Variants in TRHDE observed in about 807,000 individuals in gnomAD.
TRHDE encodes the protein thyrotropin-releasing hormone-degrading ectoenzyme.
In TRHDE, 72 loss-of-function variants were observed where a neutral mutation model predicts 125.7. That is an observed-to-expected ratio of 0.57 (90% CI 0.47 to 0.70). The LOEUF (loss-of-function observed/expected upper bound fraction) is 0.70. Among genes scored for constraint, TRHDE ranks in the 30% least tolerant of loss-of-function variants. The pLI, the probability that TRHDE is intolerant of heterozygous loss-of-function variation, is 0.00. For synonymous variants in TRHDE, 509 were observed against 509.1 expected, an observed-to-expected ratio of 1.00 and a Z score of 0.00; for missense variants, 1,110 against 1,327.1, an observed-to-expected ratio of 0.84 and a Z score of 2.54.
intron 12 of TRHDE, among the ~76,000 whole-genome samples, chr12:72,576,830 A>G (rs1871017057): frequency 6.6e-6 from 1 of 152,174 alleles, no homozygotes. Context: ...TCTAAGGACA[A>G]CTTATCAACA....
intron 1 of TRHDE, among the ~76,000 whole-genome samples, chr12:72,277,578 G>GT (rs1325398151): frequency 1.3e-5 from 2 of 152,038 alleles, no homozygotes; most frequent in Non-Finnish European, 2.9e-5. Context: ...TTAGCTCATT[G>GT]TTTTTGTGTC....
intron 2 of TRHDE, among the ~76,000 whole-genome samples, chr12:72,240,921 T>A (rs1439621713): frequency 3.3e-5 from 5 of 152,132 alleles, no homozygotes; most frequent in Non-Finnish European, 7.4e-5. Context: ...CATTATTTTT[T>A]CACACATCTC....
In TRHDE at chr12:72,273,527, G is replaced by A. The variant is rs746827208; in HGVS notation, c.884G>A (p.Arg295His). The change falls in exon 1 of 19, where the codon CGC becomes CAC. Residue 295 changes from arginine to histidine, a missense_variant. Coordinates refer to ENST00000261180, the MANE Select transcript of TRHDE (RefSeq NM_013381.3). This position sits in a 1 kb window ranked among gnomAD's most constrained non-coding sequence, Gnocchi z 5.3. ...GAGAATGAGCTCCTGGGCTTCTTCC[G>A]CAGCTCCTATGTGCTCCACGGGGAG... ...LIENELLGFF[R>H]SSYVLHGERR... The A allele has an allele frequency of 5.6e-6, 9 of 1,605,072 alleles. No individual in the cohort carries two copies. The highest frequency in any genetic ancestry group is 1.3e-5 in the African/African-American group (1 of 75,036).
chr12:72,174,254 TATA>T (rs1307554918), intron 2 of TRHDE, among the ~76,000 whole-genome samples: 1 of 152,204 alleles, frequency 6.6e-6, no homozygotes, highest in Non-Finnish European at 1.5e-5. Context: ...ATCTAGACTA[TATA>T]ATTTCAGCTG....
intron 2 of TRHDE, among the ~76,000 whole-genome samples, chr12:72,289,321 A>G (rs184258222): frequency 3.9e-5 from 6 of 152,230 alleles, no homozygotes; most frequent in Non-Finnish European, 5.9e-5. Context: ...CATCACTGTT[A>G]TTATTTGCTG....
chr12:72,427,975 T>C lies in TRHDE; in HGVS notation c.1316-41783T>C, dbSNP rs370268590. On this transcript the variant is annotated intron_variant, in intron 3 of 18. Transcript: ENST00000261180. ...CTCCAGAAGTGTAGTAGGTTTAAGA[T>C]GAAGTCAAGTGACCTGTTTTATAAA... is the stretch of plus-strand genomic sequence containing the variant. Among the ~76,000 whole-genome samples, 9 of 152,292 alleles carry C rather than the reference T, an allele frequency of 5.9e-5. No individual in the cohort carries two copies. The South Asian group carries it at 1.4e-3, about 25-fold the overall frequency.
chr12:72,400,367 G>A (rs911616868), intron 3 of TRHDE, among the ~76,000 whole-genome samples: 8 of 152,124 alleles, frequency 5.3e-5, no homozygotes, highest in Non-Finnish European at 7.4e-5. Context: ...CAATTCTTTT[G>A]CTCAAAGAAG....
chr12:72,594,504 T>TTTG lies in TRHDE; in HGVS notation c.2321+18964_2321+18965insGTT, dbSNP rs1361929164. 1.5e-3 allele frequency among the ~76,000 whole-genome samples: 214 copies of TTTG among 146,070 alleles called. 1 individual carries two copies. Among genetic ancestry groups the TTTG allele is most frequent in the African/African-American group, 5.1e-3 (206 of 40,016 alleles). On this transcript the variant is annotated intron_variant, in intron 12 of 18. Transcript: ENST00000261180. ...AAGCTCTGGGATTACAGATGTGAGTTTTTTTTTTTTTTTTAATATTACTAG... is the reference window on the plus strand; with the variant it reads ...AAGCTCTGGGATTACAGATGTGAGTTTTGTTTTTTTTTTTTTTAATATTACTAG...
chr12:72,182,366 A>G lies in TRHDE; in HGVS notation n.279+76614A>G, dbSNP rs140385297. Among the ~76,000 whole-genome samples, 105 of 152,322 alleles carry G rather than the reference A, an allele frequency of 6.9e-4. 1 individual carries two copies. In the East Asian group the frequency reaches 0.016, roughly 24 times the overall value. ...ACTGAATTGGACAGCTGGAGGCCCCAGACTGTTGTTAGGGAATGAATGAAT... is the reference window on the plus strand; with the variant it reads ...ACTGAATTGGACAGCTGGAGGCCCCGGACTGTTGTTAGGGAATGAATGAAT... On this transcript the variant is annotated intron_variant and non_coding_transcript_variant, in intron 2 of 4. Transcript: ENST00000548156.
chr12:72,346,963 G>A (rs945293520), intron 2 of TRHDE, among the ~76,000 whole-genome samples: 1 of 151,994 alleles, frequency 6.6e-6, no homozygotes, highest in African/African-American at 2.4e-5. Flanking sequence ...TTGGTGTAAG[G>A]CAGGATAACT....
intron 5 of TRHDE, among the ~76,000 whole-genome samples, chr12:72,481,508 G>C (rs1414972615): frequency 6.6e-6 from 1 of 150,670 alleles, no homozygotes; most frequent in Non-Finnish European, 1.5e-5. Flanking sequence ...AATTCACTGT[G>C]AAATAGAGTA....
chr12:72,570,145 C>T (rs1870649181), intron 10 of TRHDE, among the ~76,000 whole-genome samples: 1 of 152,138 alleles, frequency 6.6e-6, no homozygotes, highest in Non-Finnish European at 1.5e-5. Context: ...TGGGGATTAG[C>T]CCAAAACTTC....
At chr12:72,347,279 T>C (rs763706534) in intron 2 of TRHDE, among the ~76,000 whole-genome samples, 11 of 152,122 alleles carry the variant, frequency 7.2e-5, no homozygotes, top group Non-Finnish European at 1.3e-4. Context: ...GGTCCTGGAA[T>C]TGAATAATCA....
intron 1 of TRHDE, among the ~76,000 whole-genome samples, chr12:72,282,038 A>G (rs1380188034): frequency 6.6e-6 from 1 of 152,210 alleles, no homozygotes; most frequent in Non-Finnish European, 1.5e-5. Context: ...ACATTTTTCC[A>G]GTTATGCTAA....
intron 5 of TRHDE, among the ~76,000 whole-genome samples, chr12:72,475,969 T>G (rs567824379): frequency 6.6e-6 from 1 of 152,144 alleles, no homozygotes; most frequent in African/African-American, 2.4e-5. Flanking sequence ...CAGGCTGGAA[T>G]GCAGTGGCAC....
intron 1 of TRHDE, among the ~76,000 whole-genome samples, chr12:72,088,698 C>G (rs934031143): frequency 2.6e-5 from 4 of 152,008 alleles, no homozygotes; most frequent in African/African-American, 9.7e-5. Context: ...CTGTTCTTCT[C>G]ACATCTCTCA....
chr12:72,611,071 AG>A, intron 12 of TRHDE: 1 of 167,492 alleles, frequency 6.0e-6, no homozygotes. Flanking sequence ...GCATTTTAAA[AG>A]GAGCAGCTGG....
chr12:72,607,230 CCT>C lies in TRHDE; in HGVS notation c.2322-11658_2322-11657del, dbSNP rs573908368. 2.2e-3 allele frequency among the ~76,000 whole-genome samples: 336 copies of C among 152,196 alleles called. 1 individual carries two copies. Among genetic ancestry groups the C allele is most frequent in the African/African-American group, 7.1e-3 (296 of 41,544 alleles). On this transcript the variant is annotated intron_variant, in intron 12 of 18. Transcript: ENST00000261180. ...TGCACTTTTATGTGTTCCTCTGTCCCCTCTTTTCCCTGTAAATCGGTAACTGA... is the reference window on the plus strand; with the variant it reads ...TGCACTTTTATGTGTTCCTCTGTCCCCTTTTCCCTGTAAATCGGTAACTGA...
rs182998343 is a variant in TRHDE, at chr12:72,582,990, G to A, written c.2321+7448G>A. On this transcript the variant is annotated intron_variant, in intron 12 of 18. Coordinates refer to ENST00000261180, the MANE Select transcript of TRHDE (RefSeq NM_013381.3). ...GTTGTGTTTTACAATGAAATTATGA[G>A]CATTATTAATAATAATAGAACATTG... 1.1e-4 allele frequency among the ~76,000 whole-genome samples: 17 copies of A among 152,164 alleles called. No individual in the cohort carries two copies. In the East Asian group the frequency reaches 3.3e-3, roughly 29 times the overall value.
Sources: gnomAD v4.1 joint callset for allele counts (sites outside exome capture counted in the v4.1 genomes callset) on GRCh38, gnomAD v4.1.1 for gene constraint, Gnocchi (gnomAD v3.1) non-coding constraint, MANE v1.5 for transcripts, NCBI Gene and HGNC (gene_info 2026-07-23, HGNC 2026-07-21) for gene names.